SOX6: variants seen among roughly 807,000 people sequenced by gnomAD.
SOX6 encodes the protein transcription factor SOX-6.
SOX6 carries 11 observed loss-of-function variants against 97.8 expected under a neutral mutation model. That is an observed-to-expected ratio of 0.11 (90% CI 0.07 to 0.19). The LOEUF is 0.19. Among genes scored for constraint, SOX6 ranks in the 10% least tolerant of loss-of-function variants. The pLI, the probability that SOX6 is intolerant of heterozygous loss-of-function variation, is 1.00. For synonymous variants in SOX6, 360 were observed against 371.4 expected, an observed-to-expected ratio of 0.97 and a Z score of 0.35; for missense variants, 810 against 1,039.5, an observed-to-expected ratio of 0.78 and a Z score of 3.04.
chr11:16,648,357 G>C (rs1396472048), intron 3 of SOX6, among the ~76,000 whole-genome samples: 1 of 151,836 alleles, frequency 6.6e-6, no homozygotes, highest in African/African-American at 2.4e-5. Context: ...CACCCAAGGA[G>C]AGTCTGAGCC....
At chr11:16,200,747 A>G (rs1216907458) in intron 4 of SOX6, among the ~76,000 whole-genome samples, 3 of 152,174 alleles carry the variant, frequency 2.0e-5, no homozygotes, top group South Asian at 2.1e-4. Flanking sequence ...TCATTTTTAT[A>G]TTAGTTTGTT....
intron 14 of SOX6, 104 bp downstream of exon 14, chr11:15,988,893 A>G: frequency 8.3e-7 from 1 of 1,204,564 alleles, no homozygotes; most frequent in Non-Finnish European, 1.2e-6. Flanking sequence ...TGCGCCCGCC[A>G]CAATCTCCCT....
At chr11:16,336,297 C>T (rs1172282781) in intron 2 of SOX6, among the ~76,000 whole-genome samples, 1 of 152,152 alleles carries the variant, frequency 6.6e-6, no homozygotes, top group Non-Finnish European at 1.5e-5. Flanking sequence ...TTGTCTCTCA[C>T]CTCGGCCCAT....
intron 4 of SOX6, among the ~76,000 whole-genome samples, chr11:16,212,132 C>G (rs550898474): frequency 6.6e-6 from 1 of 152,244 alleles, no homozygotes; most frequent in Non-Finnish European, 1.5e-5. Context: ...ACACTGTAAA[C>G]AGATATGAGG....
At chr11:16,633,041 C>A (rs1055356713) in intron 3 of SOX6, among the ~76,000 whole-genome samples, 1 of 152,074 alleles carries the variant, frequency 6.6e-6, no homozygotes, top group African/African-American at 2.4e-5. Context: ...GTGGAGAGGG[C>A]CTCCCTGTAC....
At chr11:16,487,535 G>A (rs1469880018) in intron 4 of SOX6, among the ~76,000 whole-genome samples, 1 of 152,174 alleles carries the variant, frequency 6.6e-6, no homozygotes. Context: ...TTCTCTTCCT[G>A]AGTTCTGCTC....
intron 6 of SOX6, among the ~76,000 whole-genome samples, chr11:16,180,581 G>A (rs1851320724): frequency 6.6e-6 from 1 of 151,370 alleles, no homozygotes; most frequent in Admixed American, 6.6e-5. Context: ...AAGCACAGAG[G>A]GATCTGAATT....
intron 4 of SOX6, among the ~76,000 whole-genome samples, chr11:16,570,719 C>A (rs1474156233): frequency 6.6e-6 from 1 of 152,144 alleles, no homozygotes; most frequent in Non-Finnish European, 1.5e-5. Flanking sequence ...TGAAAAAGAT[C>A]AACATTCTTT....
At chr11:16,429,703 G>A (rs1329464826) in intron 1 of SOX6, among the ~76,000 whole-genome samples, 3 of 151,900 alleles carry the variant, frequency 2.0e-5, no homozygotes, top group Non-Finnish European at 4.4e-5. Flanking sequence ...GAAGGGAGAG[G>A]ATCAGGAAAA....
At chr11:16,532,817 G>A (rs1277529152) in intron 4 of SOX6, among the ~76,000 whole-genome samples, 7 of 151,828 alleles carry the variant, frequency 4.6e-5, no homozygotes, top group Admixed American at 4.6e-4. Flanking sequence ...AAAGCTAGAA[G>A]CTGTGAATTA....
At chr11:16,728,280 C>T (rs1421673872) in intron 2 of SOX6, among the ~76,000 whole-genome samples, 1 of 152,216 alleles carries the variant, frequency 6.6e-6, no homozygotes, top group Non-Finnish European at 1.5e-5. Flanking sequence ...TGCCTCTTGA[C>T]TGGGAGACAG....
chr11:16,339,310 C>A (rs1856557617), intron 2 of SOX6, among the ~76,000 whole-genome samples: 1 of 151,982 alleles, frequency 6.6e-6, no homozygotes, highest in Non-Finnish European at 1.5e-5. Context: ...TTGATATAGC[C>A]CCTACCAATC....
At chr11:16,308,866 C>T (rs1232678300) in intron 3 of SOX6, among the ~76,000 whole-genome samples, 5 of 152,130 alleles carry the variant, frequency 3.3e-5, no homozygotes, top group African/African-American at 9.7e-5. Flanking sequence ...AGACATTCAG[C>T]CTGTTGTATT....
intron 9 of SOX6, among the ~76,000 whole-genome samples, chr11:16,059,843 G>A (rs1277869534): frequency 6.6e-6 from 1 of 151,806 alleles, no homozygotes; most frequent in Non-Finnish European, 1.5e-5. Flanking sequence ...TTCAAAATGG[G>A]GACAGGTCAA....
chr11:16,316,800 G>C (rs1219168739), intron 3 of SOX6: 1 of 151,934 alleles, frequency 6.6e-6, no homozygotes, highest in African/African-American at 2.4e-5. Context: ...TAATTATCTG[G>C]CAATCCCCAT....
chr11:16,452,742 G>A (rs1859742121), intron 1 of SOX6, among the ~76,000 whole-genome samples: 1 of 152,116 alleles, frequency 6.6e-6, no homozygotes, highest in South Asian at 2.1e-4. Flanking sequence ...ATAGTCATGA[G>A]GCACAGGGCA....
At chr11:16,165,487 T>C (rs1487894935) in intron 6 of SOX6, among the ~76,000 whole-genome samples, 1 of 152,176 alleles carries the variant, frequency 6.6e-6, no homozygotes, top group Non-Finnish European at 1.5e-5. Flanking sequence ...AAGATACCAG[T>C]CAGTAAACTA....
chr11:16,508,935 T>C (rs2133149654), intron 4 of SOX6, among the ~76,000 whole-genome samples: 1 of 152,118 alleles, frequency 6.6e-6, no homozygotes, highest in Non-Finnish European at 1.5e-5. Context: ...GAAAATAACA[T>C]GTATACTCCA....
rs184842979 is a variant in SOX6 at position 16,185,771 on chromosome 11, C to A, written c.708+1012G>T. Among the ~76,000 whole-genome samples the A allele has an allele frequency of 7.4e-4, 112 of 152,244 alleles. 3 individuals carry two copies. In the Middle Eastern group the frequency reaches 0.048, roughly 65 times the overall value. On this transcript the variant is annotated intron_variant, in intron 5 of 15. Transcript: ENST00000683767. ...TCTGGATGGCTAAATGACATTCTAA[C>A]TTCTGATTTTTTACAGTGTTCCTTT...
Sources: gnomAD v4.1 joint callset for allele counts (sites outside exome capture counted in the v4.1 genomes callset) on GRCh38, gnomAD v4.1.1 for gene constraint, MANE v1.5 for transcripts, NCBI Gene and HGNC (gene_info 2026-07-23, HGNC 2026-07-21) for gene names.